Variants in ACCSL observed in about 807,000 individuals in gnomAD.
ACCSL encodes probable inactive 1-aminocyclopropane-1-carboxylate synthase-like protein 2.
Under a neutral mutation model 61.7 loss-of-function variants are expected in ACCSL, and 55 were observed. That is an observed-to-expected ratio of 0.89 (90% CI 0.72 to 1.12). The LOEUF is 1.12. ACCSL is among the 50% of genes most tolerant of loss of function. ACCSL has a pLI of 0.00. For synonymous variants in ACCSL, 258 were observed against 264.3 expected, an observed-to-expected ratio of 0.98 and a Z score of 0.23; for missense variants, 632 against 698.0, an observed-to-expected ratio of 0.91 and a Z score of 1.07.
At chr11:44,042,748 C>T in the ACCSL span, among the ~76,000 whole-genome samples, 1 of 151,978 alleles carries the variant, frequency 6.6e-6, no homozygotes, top group Non-Finnish European at 1.5e-5. Flanking sequence ...TGAGGCCCAA[C>T]CCCATCCTGG....
At chr11:43,939,174 A>G in the ACCSL span, among the ~76,000 whole-genome samples, 2 of 152,242 alleles carry the variant, frequency 1.3e-5, no homozygotes, top group Non-Finnish European at 2.9e-5. Context: ...CTAGAATTAT[A>G]GGCTCAATAG....
At chr11:43,968,187 GCC>G in the ACCSL span, among the ~76,000 whole-genome samples, 4 of 152,084 alleles carry the variant, frequency 2.6e-5, no homozygotes, top group Admixed American at 2.0e-4. Flanking sequence ...GAATTATCTA[GCC>G]CCAAATGTCA....
chr11:43,943,146 A>T, the ACCSL span: 1 of 1,501,872 alleles, frequency 6.7e-7, no homozygotes, highest in East Asian at 2.7e-5. The surrounding 1 kb of genome is among the most constrained non-coding windows in gnomAD (Gnocchi z 4.8). Context: ...AAGGCCAAGA[A>T]GTCGTTCCTG....
the ACCSL span, among the ~76,000 whole-genome samples, chr11:44,022,247 A>T: frequency 2.0e-5 from 3 of 152,138 alleles, no homozygotes; most frequent in Non-Finnish European, 4.4e-5. Flanking sequence ...CCCATCTGTG[A>T]TCATGGAATG....
At chr11:43,926,048 G>A in the ACCSL span, among the ~76,000 whole-genome samples, 4 of 152,132 alleles carry the variant, frequency 2.6e-5, no homozygotes, top group East Asian at 1.9e-4. Flanking sequence ...GTGCCCTCGT[G>A]TCTGTTGCAG....
the ACCSL span, among the ~76,000 whole-genome samples, chr11:43,974,314 G>A: frequency 2.0e-5 from 3 of 152,076 alleles, no homozygotes; most frequent in African/African-American, 4.8e-5. Context: ...CTAGTTTCTG[G>A]GGTTTGCTAG....
the ACCSL span, among the ~76,000 whole-genome samples, chr11:43,961,434 C>T: frequency 2.6e-4 from 40 of 152,236 alleles, no homozygotes; most frequent in African/African-American, 8.9e-4. Flanking sequence ...CCATGAGACT[C>T]AGTTCTCTCC....
At chr11:43,965,053 C>T in the ACCSL span, among the ~76,000 whole-genome samples, 63 of 152,172 alleles carry the variant, frequency 4.1e-4, no homozygotes, top group African/African-American at 1.4e-3. Flanking sequence ...CTGCTTTTGC[C>T]ATTGCTATTT....
At chr11:43,967,167 C>CTTTTTTTTTTTTTTTTTTTTTTT in the ACCSL span, among the ~76,000 whole-genome samples, 1 of 62,694 alleles carries the variant, frequency 1.6e-5, no homozygotes, top group African/African-American at 6.8e-5. Context: ...TCTTCTTCTT[C>CTTTTTTTTTTTTTTTTTTTTTTT]TTTTTTTTTT....
At chr11:44,018,117 T>C in the ACCSL span, among the ~76,000 whole-genome samples, 2 of 152,178 alleles carry the variant, frequency 1.3e-5, no homozygotes, top group Non-Finnish European at 1.5e-5. Context: ...TCCCTGTATT[T>C]GGGCGTCTGT....
chr11:43,937,108 G>A, the ACCSL span, among the ~76,000 whole-genome samples: 3 of 152,136 alleles, frequency 2.0e-5, no homozygotes, highest in African/African-American at 4.8e-5. Context: ...GAGGAGCTGT[G>A]TGTGTTGGAG....
the ACCSL span, among the ~76,000 whole-genome samples, chr11:43,964,887 C>CAG: frequency 1.3e-5 from 2 of 152,044 alleles, no homozygotes. Flanking sequence ...TTGACAAAAC[C>CAG]TAACACATTT....
chr11:44,029,686 C>A, the ACCSL span, among the ~76,000 whole-genome samples: 1 of 152,126 alleles, frequency 6.6e-6, no homozygotes, highest in African/African-American at 2.4e-5. Context: ...CTGGAAGATA[C>A]CTTCTAATTT....
the ACCSL span, among the ~76,000 whole-genome samples, chr11:44,022,828 T>C: frequency 1.3e-5 from 2 of 152,164 alleles, no homozygotes; most frequent in African/African-American, 2.4e-5. Flanking sequence ...GGCTATGATA[T>C]CAGGGTAATT....
the ACCSL span, among the ~76,000 whole-genome samples, chr11:43,924,751 A>G: frequency 6.6e-6 from 1 of 152,220 alleles, no homozygotes; most frequent in African/African-American, 2.4e-5. Context: ...CAGCCTCGCC[A>G]CCAGTCCGCA....
chr11:43,969,422 A>G, the ACCSL span, among the ~76,000 whole-genome samples: 2 of 152,186 alleles, frequency 1.3e-5, no homozygotes, highest in Admixed American at 1.3e-4. Flanking sequence ...GCTTTTTAAG[A>G]TGGGAATAAT....
chr11:43,932,556 C>T, the ACCSL span, among the ~76,000 whole-genome samples: 1 of 152,168 alleles, frequency 6.6e-6, no homozygotes, highest in Non-Finnish European at 1.5e-5. Context: ...AGGTGTGAGT[C>T]ACGGCACCCA....
At chr11:44,058,922 T>G (rs1420829214) in intron 13 of ACCSL, among the ~76,000 whole-genome samples, 1 of 152,098 alleles carries the variant, frequency 6.6e-6, no homozygotes, top group African/African-American at 2.4e-5. Context: ...TGCCATTGAG[T>G]GAGGCATTGG....
At chr11:43,964,999 T>C in the ACCSL span, among the ~76,000 whole-genome samples, 1 of 152,232 alleles carries the variant, frequency 6.6e-6, no homozygotes, top group African/African-American at 2.4e-5. Context: ...ACTCAATGAA[T>C]GGCTGAAACT....
Sources: gnomAD v4.1 joint callset for allele counts (sites outside exome capture counted in the v4.1 genomes callset) on GRCh38, gnomAD v4.1.1 for gene constraint, Gnocchi (gnomAD v3.1) non-coding constraint, MANE v1.5 for transcripts, NCBI Gene and HGNC (gene_info 2026-07-23, HGNC 2026-07-21) for gene names.